DIP2B: variants seen among roughly 807,000 people sequenced by gnomAD.
DIP2B encodes disco-interacting protein 2 homolog B.
Under a neutral mutation model 198.0 loss-of-function variants are expected in DIP2B, and 76 were observed. The ratio of observed to expected loss-of-function variants is 0.38; its 90% CI spans 0.32 to 0.46. The LOEUF is 0.46. Among genes scored for constraint, DIP2B ranks in the 20% least tolerant of loss-of-function variants. DIP2B has a pLI of 0.99. For missense variants in DIP2B, 1,559 were observed against 1,978.4 expected (o/e 0.79, Z 4.02); for synonymous variants, 701 against 739.1 (o/e 0.95, Z 0.84).
At chr12:50,525,583 G>A (rs1958156757) in intron 1 of DIP2B, among the ~76,000 whole-genome samples, 1 of 149,746 alleles carries the variant, frequency 6.7e-6, no homozygotes, top group African/African-American at 2.5e-5. Context: ...TGTACATGGA[G>A]CTCACTGCAG....
At chr12:50,715,826 G>A (rs1939704136) in intron 23 of DIP2B, among the ~76,000 whole-genome samples, 1 of 152,198 alleles carries the variant, frequency 6.6e-6, no homozygotes, top group African/African-American at 2.4e-5. Context: ...AAAAACTGGG[G>A]GTTCTGTTAT....
At chr12:50,595,585 A>G (rs1958871593) in intron 1 of DIP2B, among the ~76,000 whole-genome samples, 1 of 152,210 alleles carries the variant, frequency 6.6e-6, no homozygotes, top group Non-Finnish European at 1.5e-5. Context: ...GATTACAGGC[A>G]TGAGCCACTG....
At chr12:50,670,697 A>G (rs746505612) in intron 4 of DIP2B, among the ~76,000 whole-genome samples, 2 of 152,140 alleles carry the variant, frequency 1.3e-5, no homozygotes, top group Admixed American at 6.5e-5. Flanking sequence ...GATTACAGGT[A>G]TGAGCCACCA....
chr12:50,611,408 C>T (rs1443602532), intron 1 of DIP2B, among the ~76,000 whole-genome samples: 1 of 152,292 alleles, frequency 6.6e-6, no homozygotes, highest in South Asian at 2.1e-4. Context: ...TTCCTTGAGC[C>T]TCTATTCCTA....
At chr12:50,652,412 C>T (rs1404403678) in intron 3 of DIP2B, among the ~76,000 whole-genome samples, 2 of 150,848 alleles carry the variant, frequency 1.3e-5, no homozygotes, top group Non-Finnish European at 2.9e-5. Context: ...TGGCACGTGC[C>T]CATAGTCCCA....
rs781505789 is a variant in DIP2B at position 50,543,924 on chromosome 12, TAAAAAA to T, written c.100+38699_100+38704del. On this transcript the variant is annotated intron_variant, in intron 1 of 37. Coordinates refer to ENST00000301180, the MANE Select transcript of DIP2B (RefSeq NM_173602.3). Reference sequence around the variant, plus strand: ...GGGCGACAGAGTGAGACTCAGCCTTTAAAAAAAAAAAAAAAAAAAAGGAGGCTGGGC... The same window carrying T: ...GGGCGACAGAGTGAGACTCAGCCTTTAAAAAAAAAAAAAAGGAGGCTGGGC... 3.5e-3 allele frequency among the ~76,000 whole-genome samples: 353 copies of T among 101,172 alleles called. 4 individuals are homozygous for T. The highest frequency in any genetic ancestry group is 0.03 in the Admixed American group (257 of 8,478). 66.4% of individuals were successfully genotyped at this position (101,172 alleles called of 152,430 possible).
chr12:50,550,073 G>C (rs961445655), intron 1 of DIP2B, among the ~76,000 whole-genome samples: 1 of 152,070 alleles, frequency 6.6e-6, no homozygotes, highest in South Asian at 2.1e-4. Context: ...TTTAACCAGC[G>C]GGATGGCAGC....
At chr12:50,681,153 G>A (rs1476007804) in intron 9 of DIP2B, among the ~76,000 whole-genome samples, 1 of 152,050 alleles carries the variant, frequency 6.6e-6, no homozygotes, top group African/African-American at 2.4e-5. Flanking sequence ...AACATGGGCT[G>A]GGTGCAGTGG....
At chr12:50,744,565 T>C in intron 37 of DIP2B, 22 bp from the exon 38 acceptor site, 1 of 1,609,980 alleles carries the variant, frequency 6.2e-7, no homozygotes, top group South Asian at 1.1e-5. Context: ...GACAAGTTAA[T>C]GAATTGTCAT....
At chr12:50,701,443 G>A (rs778379841) in intron 19 of DIP2B, among the ~76,000 whole-genome samples, 5 of 152,180 alleles carry the variant, frequency 3.3e-5, no homozygotes, top group Non-Finnish European at 7.4e-5. Flanking sequence ...GTGCAGTGGT[G>A]CAATCTCGGC....
chr12:50,677,944 G>C (rs553576438), intron 7 of DIP2B, among the ~76,000 whole-genome samples: 10 of 151,904 alleles, frequency 6.6e-5, no homozygotes, highest in African/African-American at 2.4e-4. Context: ...GATGCTCAGT[G>C]CTTTCCTAAG....
intron 2 of DIP2B, among the ~76,000 whole-genome samples, chr12:50,628,224 A>C (rs1345608972): frequency 7.2e-5 from 11 of 152,158 alleles, no homozygotes; most frequent in Non-Finnish European, 1.0e-4. Context: ...TACAAGAATT[A>C]GCCGGGCGTG....
At chr12:50,632,272 G>A (rs556298753) in intron 2 of DIP2B, among the ~76,000 whole-genome samples, 1 of 151,966 alleles carries the variant, frequency 6.6e-6, no homozygotes, top group South Asian at 2.1e-4. Context: ...CTGAGGTTGG[G>A]AGTTCAAGAC....
At chr12:50,672,036 G>T (rs945145685) in intron 5 of DIP2B, among the ~76,000 whole-genome samples, 1 of 152,164 alleles carries the variant, frequency 6.6e-6, no homozygotes, top group African/African-American at 2.4e-5. Flanking sequence ...ATACAGCTCA[G>T]ATCTCTGCTT....
intron 1 of DIP2B, among the ~76,000 whole-genome samples, chr12:50,542,085 A>T (rs1958331301): frequency 6.6e-6 from 1 of 151,316 alleles, no homozygotes; most frequent in East Asian, 2.0e-4. Context: ...GAGGTCAGGG[A>T]TGGAGACCAT....
At chr12:50,673,026 A>T (rs1421228160) in intron 5 of DIP2B, among the ~76,000 whole-genome samples, 2 of 152,142 alleles carry the variant, frequency 1.3e-5, no homozygotes, top group Admixed American at 1.3e-4. Flanking sequence ...AAACTATTGG[A>T]TTGAACATGC....
chr12:50,511,289 C>CTTT (rs1316212138), intron 1 of DIP2B, among the ~76,000 whole-genome samples: 5 of 20,940 alleles, frequency 2.4e-4, no homozygotes, highest in African/African-American at 1.3e-4. Context: ...AGTGTGATTT[C>CTTT]TATTTTTTTT....
chr12:50,675,330 T>C lies in DIP2B; in HGVS notation c.798T>C (p.Gly266=). Residue 266 remains glycine (G), a splice_region_variant and synonymous_variant, in exon 7 of 38, where the codon GGT becomes GGC. Coordinates refer to ENST00000301180, the MANE Select transcript of DIP2B (RefSeq NM_173602.3). Reference sequence around the variant, plus strand: ...ACTTAACCATTTTTTCCCTTATAGGTGTTCCTGTCAGTAGCAGAGTATCTA... The same window carrying C: ...ACTTAACCATTTTTTCCCTTATAGGCGTTCCTGTCAGTAGCAGAGTATCTA... ...NRSSLMDTAD[G]VPVSSRVSTK... 6.2e-7 allele frequency: 1 copy of C among 1,611,950 alleles called. No homozygotes were observed. The highest frequency in any genetic ancestry group is 1.1e-5 in the South Asian group (1 of 90,738).
chr12:50,573,324 T>C (rs539883977), intron 1 of DIP2B, among the ~76,000 whole-genome samples: 28 of 152,312 alleles, frequency 1.8e-4, no homozygotes, highest in African/African-American at 6.5e-4. Context: ...ACAAATAAGA[T>C]TGAGTATCGA....
Sources: gnomAD v4.1 joint callset for allele counts (sites outside exome capture counted in the v4.1 genomes callset) on GRCh38, gnomAD v4.1.1 for gene constraint, MANE v1.5 for transcripts, NCBI Gene and HGNC (gene_info 2026-07-23, HGNC 2026-07-21) for gene names.